The following SPMIP11 variants were observed in gnomAD, a reference collection of about 807,000 sequenced individuals.
SPMIP11 encodes the protein long intergenic non-protein coding RNA 935.
At chr12:48,734,150 G>A in the SPMIP11 span, among the ~76,000 whole-genome samples, 44 of 152,124 alleles carry the variant, frequency 2.9e-4, no homozygotes, top group African/African-American at 1.0e-3. Context: ...TGTCACCCAG[G>A]CTAGAGTGCA....
the SPMIP11 span, among the ~76,000 whole-genome samples, chr12:48,728,779 A>G: frequency 6.6e-6 from 1 of 152,012 alleles, no homozygotes; most frequent in African/African-American, 2.4e-5. Context: ...AGAGAGAACC[A>G]TATTAAGTGA....
chr12:48,761,445 CAA>C, the SPMIP11 span, among the ~76,000 whole-genome samples: 10,149 of 96,080 alleles, frequency 0.11, 800 homozygotes, highest in African/African-American at 0.25. Context: ...AGCGAGACTC[CAA>C]AAAAAAAAAA....
the SPMIP11 span, among the ~76,000 whole-genome samples, chr12:48,770,167 G>T: frequency 1.3e-5 from 2 of 150,058 alleles, no homozygotes. Context: ...GCTTCCCAAA[G>T]TGCTGGGATT....
the SPMIP11 span, among the ~76,000 whole-genome samples, chr12:48,740,749 T>C: frequency 6.6e-6 from 1 of 151,690 alleles, no homozygotes; most frequent in Non-Finnish European, 1.5e-5. Context: ...TAGCCAGGCA[T>C]GGTGGCCGGT....
the SPMIP11 span, among the ~76,000 whole-genome samples, chr12:48,736,358 G>A: frequency 6.8e-6 from 1 of 147,708 alleles, no homozygotes; most frequent in Non-Finnish European, 1.5e-5. Flanking sequence ...GTTGCAGTGA[G>A]CTGAGATTGC....
At chr12:48,740,755 C>T in the SPMIP11 span, among the ~76,000 whole-genome samples, 1 of 151,698 alleles carries the variant, frequency 6.6e-6, no homozygotes, top group Non-Finnish European at 1.5e-5. Flanking sequence ...GGCATGGTGG[C>T]CGGTGCCTCT....
the SPMIP11 span, among the ~76,000 whole-genome samples, chr12:48,745,342 A>G: frequency 1.3e-5 from 2 of 152,006 alleles, no homozygotes; most frequent in East Asian, 1.9e-4. Context: ...CTCACCTCAC[A>G]TCATACACAA....
the SPMIP11 span, among the ~76,000 whole-genome samples, chr12:48,728,301 T>C: frequency 6.6e-6 from 1 of 152,114 alleles, no homozygotes; most frequent in Non-Finnish European, 1.5e-5. Context: ...AAGTACCTGA[T>C]ACTATTGGAT....
the SPMIP11 span, among the ~76,000 whole-genome samples, chr12:48,752,797 G>T: frequency 6.6e-6 from 1 of 150,510 alleles, no homozygotes; most frequent in Non-Finnish European, 1.5e-5. Flanking sequence ...TCAGCCTCCT[G>T]ACTAGCTGGG....
At chr12:48,740,002 A>G in the SPMIP11 span, among the ~76,000 whole-genome samples, 2 of 152,172 alleles carry the variant, frequency 1.3e-5, no homozygotes, top group African/African-American at 4.8e-5. Flanking sequence ...ATTTTCCAAA[A>G]GATATTTCTA....
the SPMIP11 span, among the ~76,000 whole-genome samples, chr12:48,761,731 T>C: frequency 6.9e-6 from 1 of 145,506 alleles, no homozygotes; most frequent in Non-Finnish European, 1.5e-5. Context: ...TTTTTTTTTT[T>C]TTTTTTTTTT....
the SPMIP11 span, among the ~76,000 whole-genome samples, chr12:48,729,954 G>T: frequency 6.6e-6 from 1 of 151,986 alleles, no homozygotes; most frequent in Non-Finnish European, 1.5e-5. Flanking sequence ...TCCAAATAAA[G>T]AGGAGCTCTT....
chr12:48,769,041 C>G, the SPMIP11 span: 1 of 1,612,872 alleles, frequency 6.2e-7, no homozygotes, highest in Non-Finnish European at 8.5e-7. Flanking sequence ...ACACCTGCCA[C>G]GACTGGGCCC....
chr12:48,757,136 C>T, the SPMIP11 span, among the ~76,000 whole-genome samples: 4 of 152,042 alleles, frequency 2.6e-5, no homozygotes, highest in African/African-American at 7.2e-5. Context: ...AGGGGCCTAG[C>T]GCCTTTTTGG....
the SPMIP11 span, among the ~76,000 whole-genome samples, chr12:48,755,875 CTTTTTTTTTT>C: frequency 2.0e-5 from 2 of 101,628 alleles, no homozygotes; most frequent in Non-Finnish European, 4.0e-5. Context: ...CAGTTTCTTT[CTTTTTTTTTT>C]TTTTTTTTTT....
the SPMIP11 span, chr12:48,759,251 C>G: frequency 1.4e-6 from 1 of 702,960 alleles, no homozygotes; most frequent in Non-Finnish European, 2.6e-6. Flanking sequence ...CCCATTATCT[C>G]AAAAGATGGG....
At chr12:48,759,341 T>A in the SPMIP11 span, 1 of 702,702 alleles carries the variant, frequency 1.4e-6, no homozygotes. Context: ...TGTAAGTACC[T>A]TGGGGTGGGC....
At chr12:48,765,607 G>A in the SPMIP11 span, 1 of 702,952 alleles carries the variant, frequency 1.4e-6, no homozygotes, top group Non-Finnish European at 2.6e-6. Flanking sequence ...TTCTTTCCAG[G>A]TTTATGGATC....
the SPMIP11 span, among the ~76,000 whole-genome samples, chr12:48,742,340 G>A: frequency 3.0e-5 from 4 of 134,504 alleles, no homozygotes; most frequent in East Asian, 2.7e-4. Context: ...GGAGTACAAC[G>A]GCACGATCTC....
Sources: allele counts gnomAD v4.1 joint callset (sites outside exome capture counted in the v4.1 genomes callset), GRCh38; gene constraint gnomAD v4.1.1; transcripts MANE v1.5; gene names NCBI Gene and HGNC (gene_info 2026-07-23, HGNC 2026-07-21).